NFIB: variants seen among roughly 807,000 people sequenced by gnomAD.
The protein encoded by NFIB is nuclear factor 1 B-type.
Under a neutral mutation model 61.5 loss-of-function variants are expected in NFIB, and 11 were observed. The observed-to-expected ratio is 0.18, with a 90% CI of 0.11 to 0.30. The LOEUF (loss-of-function observed/expected upper bound fraction) is 0.30. Ranked by LOEUF, NFIB falls within the 10% of genes least tolerant of loss-of-function variation. The pLI is 1.00. For synonymous variants in NFIB, 260 were observed against 216.5 expected, an observed-to-expected ratio of 1.20 and a Z score of -1.76; for missense variants, 471 against 608.9, an observed-to-expected ratio of 0.77 and a Z score of 2.38.
chr9:14,459,928 G>C, the NFIB span, among the ~76,000 whole-genome samples: 1 of 151,902 alleles, frequency 6.6e-6, no homozygotes, highest in African/African-American at 2.4e-5. Context: ...GGGGACTGTA[G>C]ACTAGTTCAA....
chr9:14,195,181 AAC>A (rs1563887985), intron 2 of NFIB, among the ~76,000 whole-genome samples: 1 of 152,114 alleles, frequency 6.6e-6, no homozygotes, highest in African/African-American at 2.4e-5. Flanking sequence ...AAAAACAAAA[AAC>A]AAAAAACTTT....
rs376468112 is a variant in NFIB at position 14,307,834 on chromosome 9, C to G, written c.31-314G>C. The G allele has an allele frequency of 6.9e-4, 148 of 215,148 alleles. 2 individuals carry two copies. The South Asian group carries it at 0.015, about 21-fold the overall frequency. 13.3% of individuals were successfully genotyped at this position (215,148 alleles called of 1,614,324 possible). A position where few individuals can be genotyped will look rare whatever the true frequency, so the allele number is the denominator to read the frequency against. On this transcript the variant is annotated intron_variant, in intron 1 of 10. Coordinates refer to ENST00000380953, the MANE Select transcript of NFIB (RefSeq NM_001190737.2). This position sits in a 1 kb window ranked among gnomAD's most constrained non-coding sequence, Gnocchi z 5.3. Reference sequence around the variant, plus strand: ...ACCCCAATGCCATGCATTCTACATTCTTTAAAATATAGGCAACTAACTAAG... The same window carrying G: ...ACCCCAATGCCATGCATTCTACATTGTTTAAAATATAGGCAACTAACTAAG...
chr9:14,323,240 C>G (rs1481185372), intron 1 of NFIB, among the ~76,000 whole-genome samples: 1 of 152,112 alleles, frequency 6.6e-6, no homozygotes, highest in Non-Finnish European at 1.5e-5. Flanking sequence ...GGTGAAACAA[C>G]CAACACCAAA....
At chr9:14,491,506 T>C in the NFIB span, among the ~76,000 whole-genome samples, 1 of 152,188 alleles carries the variant, frequency 6.6e-6, no homozygotes, top group Non-Finnish European at 1.5e-5. Context: ...CAGTAGAAGA[T>C]AGGGCTGAGA....
chr9:14,433,373 G>A, the NFIB span, among the ~76,000 whole-genome samples: 60 of 152,180 alleles, frequency 3.9e-4, no homozygotes, highest in Admixed American at 1.0e-3. Context: ...AGAGATTTTC[G>A]TTTTGAGCAA....
At chr9:14,415,970 G>A in the NFIB span, among the ~76,000 whole-genome samples, 3 of 152,132 alleles carry the variant, frequency 2.0e-5, no homozygotes, top group African/African-American at 4.8e-5. Context: ...AATACATACA[G>A]GATTATTATT....
chr9:14,097,231 A>C (rs775181511), intron 10 of NFIB, among the ~76,000 whole-genome samples: 4 of 152,178 alleles, frequency 2.6e-5, no homozygotes, highest in Admixed American at 6.5e-5. Context: ...GATCATGTGA[A>C]ATTTTGGTTT....
the NFIB span, among the ~76,000 whole-genome samples, chr9:14,498,191 T>G: frequency 9.2e-4 from 140 of 152,302 alleles, no homozygotes; most frequent in African/African-American, 3.2e-3. Context: ...TCCAGATCAT[T>G]TTGTCTCCAA....
chr9:14,222,260 C>A (rs1448716385), intron 2 of NFIB, among the ~76,000 whole-genome samples: 1 of 152,162 alleles, frequency 6.6e-6, no homozygotes, highest in Non-Finnish European at 1.5e-5. Context: ...CCATTATCTA[C>A]CATGGAAGGC....
At chr9:14,467,119 G>A in the NFIB span, among the ~76,000 whole-genome samples, 1 of 152,210 alleles carries the variant, frequency 6.6e-6, no homozygotes. Context: ...GTGTTGGGTG[G>A]TGGGGGAATA....
At chr9:14,336,907 T>C (rs1175605607) in intron 1 of NFIB, among the ~76,000 whole-genome samples, 2 of 152,226 alleles carry the variant, frequency 1.3e-5, no homozygotes, top group African/African-American at 4.8e-5. Context: ...ACTCTGCCAA[T>C]GTTATACACA....
intron 6 of NFIB, among the ~76,000 whole-genome samples, chr9:14,131,527 C>T (rs892076152): frequency 2.0e-5 from 3 of 152,162 alleles, no homozygotes; most frequent in East Asian, 3.9e-4. Context: ...TGAAACACAG[C>T]GTATGTACTC....
At chr9:14,484,193 A>C in the NFIB span, among the ~76,000 whole-genome samples, 1 of 152,238 alleles carries the variant, frequency 6.6e-6, no homozygotes, top group Non-Finnish European at 1.5e-5. Context: ...TTTGCTGAGC[A>C]CTGTTCTGGG....
In NFIB at chr9:14,373,582, CTT is replaced by C. The variant is rs1464600116; in HGVS notation, c.108+24940_108+24941del. On this transcript the variant is annotated intron_variant, in intron 1 of 8. Transcript: ENST00000380934. ...CATTACATGCTCCAAAATGGCAACT[CTT>C]TGTTCTTTTACAGTTTCTTGTAGAA... 1.1e-4 allele frequency among the ~76,000 whole-genome samples: 16 copies of C among 151,618 alleles called. No individual in the cohort carries two copies. In the East Asian group the frequency reaches 1.4e-3, roughly 13 times the overall value.
At chr9:14,413,812 A>G in the NFIB span, among the ~76,000 whole-genome samples, 2 of 152,228 alleles carry the variant, frequency 1.3e-5, no homozygotes, top group Admixed American at 1.3e-4. Context: ...TCCATTGACC[A>G]TGTCAGGCTC....
At chr9:14,126,935 T>G (rs1399053556) in intron 6 of NFIB, among the ~76,000 whole-genome samples, 1 of 152,218 alleles carries the variant, frequency 6.6e-6, no homozygotes, top group African/African-American at 2.4e-5. Context: ...TGGACTCACT[T>G]TCGGCTCCTT....
chr9:14,491,969 T>C, the NFIB span, among the ~76,000 whole-genome samples: 3 of 152,214 alleles, frequency 2.0e-5, no homozygotes, highest in African/African-American at 7.2e-5. Context: ...TTTTCAAGTT[T>C]GTTACCACAT....
chr9:14,166,629 C>G (rs2044822915), intron 3 of NFIB, among the ~76,000 whole-genome samples: 1 of 152,162 alleles, frequency 6.6e-6, no homozygotes, highest in Non-Finnish European at 1.5e-5. Flanking sequence ...AAATTTTTCT[C>G]CATTTGTCTT....
chr9:14,450,073 A>G, the NFIB span, among the ~76,000 whole-genome samples: 1 of 151,908 alleles, frequency 6.6e-6, no homozygotes, highest in South Asian at 2.1e-4. Context: ...GCACCCATTA[A>G]CTCATCATTT....
Sources: allele counts gnomAD v4.1 joint callset (sites outside exome capture counted in the v4.1 genomes callset), GRCh38; gene constraint gnomAD v4.1.1; non-coding constraint Gnocchi (gnomAD v3.1); transcripts MANE v1.5; gene names NCBI Gene and HGNC (gene_info 2026-07-23, HGNC 2026-07-21).